Variants in SGCZ observed in about 807,000 individuals in gnomAD.
The protein encoded by SGCZ is sarcoglycan zeta.
In SGCZ, 40 loss-of-function variants were observed where a neutral mutation model predicts 41.3. The ratio of observed to expected loss-of-function variants is 0.97; its 90% confidence interval spans 0.75 to 1.26. The LOEUF is 1.26. SGCZ is among the 50% of genes most tolerant of loss of function. The probability of loss-of-function intolerance (pLI) is 0.00; values close to 1 mark genes in which losing one functional copy is unlikely to be tolerated. For synonymous variants in SGCZ, 206 were observed against 137.5 expected (o/e 1.50, Z -3.49); for missense variants, 552 against 369.8 (o/e 1.49, Z -4.04).
chr8:14,499,833 T>G (rs982408433), intron 2 of SGCZ, among the ~76,000 whole-genome samples: 4 of 152,054 alleles, frequency 2.6e-5, no homozygotes, highest in African/African-American at 9.7e-5. Flanking sequence ...TCACTAAAAT[T>G]GTATCCTCAA....
In SGCZ at chr8:14,102,255, A is replaced by C. The variant is rs1585135189; in HGVS notation, c.744+121T>G. On this transcript the variant is annotated intron_variant, in intron 7 of 7. Transcript: ENST00000382080. ...ACCTAATATTACTTTCCTAAGTTAC[A>C]ACTCCATTTATTTTCTACTGAAAGA... 2.7e-6 allele frequency: 3 copies of C among 1,127,822 alleles called. No individual in the cohort carries two copies. In the East Asian group the frequency reaches 8.8e-5, roughly 33 times the overall value. 69.9% of individuals were successfully genotyped at this position (1,127,822 alleles called of 1,614,324 possible).
At chr8:14,517,148 A>C (rs188650524) in intron 2 of SGCZ, among the ~76,000 whole-genome samples, 101 of 152,206 alleles carry the variant, frequency 6.6e-4, no homozygotes, top group African/African-American at 2.4e-3. Flanking sequence ...TCCTGCCTTC[A>C]GATCATCACA....
At chr8:14,479,761 T>TTTTTTTTTTC (rs1563356644) in intron 2 of SGCZ, among the ~76,000 whole-genome samples, 1 of 92,114 alleles carries the variant, frequency 1.1e-5, no homozygotes, top group African/African-American at 3.1e-5. Context: ...TTTTTTTTTT[T>TTTTTTTTTTC]ATTTGAGATG....
At chr8:14,546,418 G>A (rs575010564) in intron 2 of SGCZ, among the ~76,000 whole-genome samples, 1 of 152,300 alleles carries the variant, frequency 6.6e-6, no homozygotes, top group East Asian at 1.9e-4. Flanking sequence ...AGTTTAACCA[G>A]TGCGAAGACT....
intron 1 of SGCZ, among the ~76,000 whole-genome samples, chr8:14,650,254 A>C (rs139215995): frequency 2.0e-5 from 3 of 152,052 alleles, no homozygotes; most frequent in Admixed American, 1.3e-4. Flanking sequence ...GGAAGTGAGA[A>C]GCACCTGACT....
intron 3 of SGCZ, among the ~76,000 whole-genome samples, chr8:14,291,368 T>A (rs1490136566): frequency 6.6e-6 from 1 of 152,086 alleles, no homozygotes; most frequent in Non-Finnish European, 1.5e-5. Context: ...CTTGACTTCA[T>A]CAATACAGGA....
In SGCZ at chr8:14,741,865, T is replaced by A. The variant is rs139082897; in HGVS notation, c.40-186939A>T. 4.8e-3 allele frequency among the ~76,000 whole-genome samples: 734 copies of A among 151,410 alleles called. 3 individuals carry two copies. Among genetic ancestry groups the A allele is most frequent in the East Asian group, 0.019 (95 of 5,116 alleles). ...AAGTAGAACAGTATCAATATCAACT[T>A]CTCTTTTAATAACTCAATTTAATCA... On this transcript the variant is annotated intron_variant, in intron 1 of 7. Transcript: ENST00000382080.
At chr8:14,199,442 T>C (rs545972921) in intron 4 of SGCZ, among the ~76,000 whole-genome samples, 1 of 152,336 alleles carries the variant, frequency 6.6e-6, no homozygotes, top group South Asian at 2.1e-4. Context: ...CCTGGTCCTT[T>C]GGTCCTGTGA....
At chr8:14,945,410 G>A (rs1563381519) in intron 1 of SGCZ, among the ~76,000 whole-genome samples, 1 of 151,954 alleles carries the variant, frequency 6.6e-6, no homozygotes, top group Non-Finnish European at 1.5e-5. Context: ...GTTGTGTTTT[G>A]TATTACTCTA....
At chr8:14,656,584 T>C (rs934313730) in intron 1 of SGCZ, among the ~76,000 whole-genome samples, 3 of 134,386 alleles carry the variant, frequency 2.2e-5, no homozygotes, top group Admixed American at 7.5e-5. Context: ...GCTTCTTTTC[T>C]TCTCTTCTCT....
chr8:14,210,525 C>T (rs6993061), intron 4 of SGCZ, among the ~76,000 whole-genome samples: 5,678 of 151,236 alleles, frequency 0.038, 118 homozygotes, highest in Middle Eastern at 0.093. Context: ...TGCAATGGTG[C>T]GATCTCGGCT....
intron 2 of SGCZ, among the ~76,000 whole-genome samples, chr8:14,464,929 T>C (rs1181654235): frequency 6.6e-6 from 1 of 151,674 alleles, no homozygotes; most frequent in Non-Finnish European, 1.5e-5. Context: ...AATGCCATTG[T>C]GGTTGGATAA....
chr8:14,632,811 A>C (rs907295933), intron 1 of SGCZ, among the ~76,000 whole-genome samples: 3 of 152,052 alleles, frequency 2.0e-5, no homozygotes, highest in Non-Finnish European at 4.4e-5. Flanking sequence ...AAAGGGGAGA[A>C]AGTTAATACA....
chr8:14,300,035 G>C (rs766766979), intron 3 of SGCZ, among the ~76,000 whole-genome samples: 14 of 151,896 alleles, frequency 9.2e-5, no homozygotes, highest in Non-Finnish European at 5.9e-5. Context: ...ATTGATCTAT[G>C]GTTTTGTAAG....
intron 1 of SGCZ, among the ~76,000 whole-genome samples, chr8:14,732,280 A>G (rs560756451): frequency 6.6e-6 from 1 of 152,288 alleles, no homozygotes; most frequent in South Asian, 2.1e-4. Context: ...TCAAGGAATG[A>G]CAGGATACCA....
At chr8:14,590,109 A>AG (rs940948691) in intron 1 of SGCZ, among the ~76,000 whole-genome samples, 11 of 152,084 alleles carry the variant, frequency 7.2e-5, no homozygotes, top group Admixed American at 3.3e-4. Flanking sequence ...TTCTTTGGTA[A>AG]AAAAAAGAAC....
chr8:15,066,315 CAAA>C (rs34127345), intron 1 of SGCZ, among the ~76,000 whole-genome samples: 18 of 106,904 alleles, frequency 1.7e-4, no homozygotes, highest in Non-Finnish European at 1.2e-4. Flanking sequence ...ACTCCGTCTC[CAAA>C]AAAAAAAAAA....
At chr8:14,622,778 A>G in intron 1 of SGCZ, among the ~76,000 whole-genome samples, 1 of 152,210 alleles carries the variant, frequency 6.6e-6, no homozygotes. Flanking sequence ...CCAATAATAA[A>G]TCAAAATAAA....
intron 2 of SGCZ, among the ~76,000 whole-genome samples, chr8:14,534,788 A>G (rs1177857573): frequency 6.6e-6 from 1 of 151,998 alleles, no homozygotes; most frequent in African/African-American, 2.4e-5. Flanking sequence ...CACATCACGG[A>G]ATCCTAAATA....
Sources: allele counts gnomAD v4.1 joint callset (sites outside exome capture counted in the v4.1 genomes callset), GRCh38; gene constraint gnomAD v4.1.1; transcripts MANE v1.5; gene names NCBI Gene and HGNC (gene_info 2026-07-23, HGNC 2026-07-21).